The following DSCAM variants were observed in gnomAD, a reference collection of about 807,000 sequenced individuals.
DSCAM encodes the protein cell adhesion molecule DSCAM.
DSCAM carries 47 observed loss-of-function variants against 217.7 expected under a neutral mutation model. The observed-to-expected ratio is 0.22, with a 90% confidence interval of 0.17 to 0.28. The LOEUF (loss-of-function observed/expected upper bound fraction) is 0.28, where lower values mean the gene tolerates loss of function less well. DSCAM is among the 10% of genes least tolerant of loss of function. DSCAM has a pLI of 1.00. For missense variants in DSCAM, 2,080 were observed against 2,618.3 expected, an observed-to-expected ratio of 0.79 and a Z score of 4.49; for synonymous variants, 1,056 against 1,015.3, an observed-to-expected ratio of 1.04 and a Z score of -0.76.
chr21:40,811,144 T>G (rs1030019546), intron 1 of DSCAM, among the ~76,000 whole-genome samples: 1 of 152,194 alleles, frequency 6.6e-6, no homozygotes, highest in Non-Finnish European at 1.5e-5. Context: ...TCCTTTCCAG[T>G]GGGCTTCTGC....
At chr21:40,491,773 C>A (rs898329576) in intron 3 of DSCAM, among the ~76,000 whole-genome samples, 4 of 152,166 alleles carry the variant, frequency 2.6e-5, no homozygotes, top group Non-Finnish European at 5.9e-5. Flanking sequence ...CCTCTAAATA[C>A]ATTTCACCAG....
At chr21:40,068,680 T>C (rs758976845) in intron 27 of DSCAM, among the ~76,000 whole-genome samples, 6 of 152,216 alleles carry the variant, frequency 3.9e-5, no homozygotes, top group Admixed American at 2.0e-4. Flanking sequence ...AGAAGTTTCA[T>C]GGCAAGAGGA....
At chr21:40,343,869 TTTTA>T (rs1189661341) in intron 6 of DSCAM, among the ~76,000 whole-genome samples, 1 of 150,488 alleles carries the variant, frequency 6.6e-6, no homozygotes, top group African/African-American at 2.4e-5. Flanking sequence ...TTATTTTATT[TTTTA>T]TTTTATTATT....
At chr21:40,662,147 AAC>A (rs1491020125) in intron 3 of DSCAM, among the ~76,000 whole-genome samples, 1 of 152,032 alleles carries the variant, frequency 6.6e-6, no homozygotes, top group Non-Finnish European at 1.5e-5. Context: ...AACAAACAAA[AAC>A]ACAACACTGT....
intron 2 of DSCAM, among the ~76,000 whole-genome samples, chr21:40,708,059 C>T (rs896813326): frequency 6.6e-6 from 1 of 152,130 alleles, no homozygotes; most frequent in Admixed American, 6.6e-5. Flanking sequence ...TCCAGCTCAA[C>T]CATTTGTCAT....
intron 3 of DSCAM, among the ~76,000 whole-genome samples, chr21:40,499,125 C>T (rs2076152286): frequency 6.6e-6 from 1 of 151,892 alleles, no homozygotes; most frequent in Admixed American, 6.6e-5. Context: ...CTAAATTTAC[C>T]TAAGCTAGAA....
At chr21:40,728,512 G>A (rs1002523087) in intron 1 of DSCAM, among the ~76,000 whole-genome samples, 2 of 151,940 alleles carry the variant, frequency 1.3e-5, no homozygotes, top group African/African-American at 4.8e-5. Context: ...TCCGTCTCCC[G>A]GGTTCAAGCA....
chr21:40,035,916 C>G (rs1362592916), intron 32 of DSCAM, among the ~76,000 whole-genome samples: 1 of 149,012 alleles, frequency 6.7e-6, no homozygotes, highest in African/African-American at 2.6e-5. Context: ...TGAATGACTA[C>G]TGGGTACATA....
intron 11 of DSCAM, among the ~76,000 whole-genome samples, chr21:40,248,109 C>A (rs930859525): frequency 6.6e-6 from 1 of 152,176 alleles, no homozygotes; most frequent in East Asian, 1.9e-4. Context: ...CTGCACACAG[C>A]ATGGGCACCC....
At chr21:40,539,352 G>A (rs140475342) in intron 3 of DSCAM, among the ~76,000 whole-genome samples, 2,981 of 152,034 alleles carry the variant, frequency 0.02, 96 homozygotes, top group African/African-American at 0.068. Flanking sequence ...AAAATTAGCC[G>A]GGCATGGTGG....
intron 1 of DSCAM, among the ~76,000 whole-genome samples, chr21:40,805,801 C>T (rs1449222593): frequency 2.0e-5 from 3 of 152,002 alleles, no homozygotes; most frequent in South Asian, 2.1e-4. Flanking sequence ...CTCCACCTCC[C>T]GGGTTCATGC....
intron 3 of DSCAM, among the ~76,000 whole-genome samples, chr21:40,546,723 T>A (rs924146503): frequency 1.3e-5 from 2 of 152,218 alleles, no homozygotes; most frequent in African/African-American, 2.4e-5. Context: ...TTAGCAAAAA[T>A]CTGTGGGTGA....
chr21:40,112,292 T>G (rs374651291), intron 20 of DSCAM, among the ~76,000 whole-genome samples: 6,592 of 134,704 alleles, frequency 0.049, 306 homozygotes, highest in Non-Finnish European at 0.068. Context: ...ACATGGAAAC[T>G]GAACAACCTG....
intron 20 of DSCAM, among the ~76,000 whole-genome samples, chr21:40,111,789 G>T (rs444982): frequency 1 from 151,377 of 151,848 alleles, 75,455 homozygotes; most frequent in East Asian, 1. Context: ...AAACAGACTT[G>T]AAACCAACAA....
chr21:40,535,237 T>C (rs1270103645), intron 3 of DSCAM, among the ~76,000 whole-genome samples: 2 of 152,218 alleles, frequency 1.3e-5, no homozygotes, highest in Non-Finnish European at 2.9e-5. Context: ...GTGCTTCATG[T>C]GAATAAGCAC....
chr21:40,459,459 CTGAG>C (rs1353431690), intron 3 of DSCAM, among the ~76,000 whole-genome samples: 1 of 152,114 alleles, frequency 6.6e-6, no homozygotes, highest in South Asian at 2.1e-4. Flanking sequence ...AGTGAAGTGA[CTGAG>C]TAAAAAGTAA....
intron 3 of DSCAM, among the ~76,000 whole-genome samples, chr21:40,535,722 T>TAA (rs982339774): frequency 2.6e-5 from 4 of 152,206 alleles, no homozygotes; most frequent in Non-Finnish European, 2.9e-5. Context: ...GACAGGCAGA[T>TAA]AAATACATAA....
rs138122870 is a variant in DSCAM, at chr21:40,180,500, A to G, written c.2780-1406T>C. Among the ~76,000 whole-genome samples the G allele has an allele frequency of 7.0e-3, 1,061 of 152,300 alleles. 14 individuals are homozygous for G. The highest frequency in any genetic ancestry group is 0.025 in the African/African-American group (1,027 of 41,554). ...TTGACAAGGGGAAGAATGGGATTCA[A>G]TGGAAGACAAATGAGGAGAGGAAAT... is the stretch of plus-strand genomic sequence containing the variant. On this transcript the variant is annotated intron_variant, in intron 14 of 32. Coordinates refer to ENST00000400454, the MANE Select transcript of DSCAM (RefSeq NM_001389.5).
At chr21:40,770,063 A>T (rs944778336) in intron 1 of DSCAM, among the ~76,000 whole-genome samples, 9 of 151,208 alleles carry the variant, frequency 6.0e-5, no homozygotes, top group African/African-American at 2.2e-4. Context: ...ATCAAAGGTC[A>T]TTTTTTTTTC....
Sources: gnomAD v4.1 joint callset for allele counts (sites outside exome capture counted in the v4.1 genomes callset) on GRCh38, gnomAD v4.1.1 for gene constraint, MANE v1.5 for transcripts, NCBI Gene and HGNC (gene_info 2026-07-23, HGNC 2026-07-21) for gene names.